Variants in FARS2 observed in about 807,000 individuals in gnomAD.
FARS2 encodes phenylalanyl-tRNA synthetase 2, mitochondrial.
A neutral mutation model predicts 46.4 loss-of-function variants in FARS2; 40 were observed. The observed-to-expected ratio is 0.86, with a 90% CI of 0.67 to 1.12. The LOEUF (loss-of-function observed/expected upper bound fraction) is 1.12, where lower values mean the gene tolerates loss of function less well. FARS2 is among the 50% of genes most tolerant of loss of function. The pLI is 0.00. For synonymous variants in FARS2, 234 were observed against 214.9 expected, an observed-to-expected ratio of 1.09 and a Z score of -0.78; for missense variants, 513 against 567.9, an observed-to-expected ratio of 0.90 and a Z score of 0.98.
rs151234719 is a variant in FARS2 at position 5,474,515 on chromosome 6, C to T, written c.904+43343C>T. Among the ~76,000 whole-genome samples, 498 of 152,168 alleles carry T rather than the reference C, an allele frequency of 3.3e-3. 1 individual carries two copies. The highest frequency in any genetic ancestry group is 5.6e-3 in the Non-Finnish European group (379 of 67,996). On this transcript the variant is annotated intron_variant, in intron 4 of 6. Coordinates refer to ENST00000274680, the MANE Select transcript of FARS2 (RefSeq NM_006567.5). Reference sequence around the variant, plus strand: ...CTAGATTGTGTAGCCTACTACACACCTAGGCTGTATGGTATGGTCTGTTGC... The same window carrying T: ...CTAGATTGTGTAGCCTACTACACACTTAGGCTGTATGGTATGGTCTGTTGC...
intron 4 of FARS2, among the ~76,000 whole-genome samples, chr6:5,516,570 C>G (rs1182435340): frequency 6.6e-6 from 1 of 152,096 alleles, no homozygotes; most frequent in East Asian, 1.9e-4. Flanking sequence ...CTAATTTTTC[C>G]AATTTGTGTT....
intron 4 of FARS2, among the ~76,000 whole-genome samples, chr6:5,499,414 A>T (rs944296517): frequency 1.3e-5 from 2 of 152,152 alleles, no homozygotes; most frequent in African/African-American, 2.4e-5. Context: ...GACATGAGTG[A>T]ATTAGGGCAA....
At chr6:5,294,169 G>A (rs1767692894) in intron 1 of FARS2, among the ~76,000 whole-genome samples, 1 of 152,116 alleles carries the variant, frequency 6.6e-6, no homozygotes, top group African/African-American at 2.4e-5. Flanking sequence ...GTTCAGTTTA[G>A]CCACTTATTG....
chr6:5,445,400 T>C (rs1310291196), intron 4 of FARS2, among the ~76,000 whole-genome samples: 2 of 152,192 alleles, frequency 1.3e-5, no homozygotes, highest in Admixed American at 1.3e-4. Flanking sequence ...ATCTGCTAAG[T>C]TATTTTTCTT....
chr6:5,393,176 C>T (rs962629963), intron 2 of FARS2, among the ~76,000 whole-genome samples: 10 of 151,692 alleles, frequency 6.6e-5, no homozygotes, highest in East Asian at 1.9e-4. Context: ...CTAGCTTGGT[C>T]GCAATAAATA....
chr6:5,350,560 A>G (rs1208345454), intron 1 of FARS2, among the ~76,000 whole-genome samples: 1 of 152,082 alleles, frequency 6.6e-6, no homozygotes, highest in African/African-American at 2.4e-5. Flanking sequence ...CAAAAGCCTG[A>G]AAGCAATTCA....
At chr6:5,629,624 G>A (rs1282574192) in intron 6 of FARS2, among the ~76,000 whole-genome samples, 1 of 152,104 alleles carries the variant, frequency 6.6e-6, no homozygotes, top group African/African-American at 2.4e-5. Flanking sequence ...AAAATGTGGA[G>A]AGTCATTAAA....
intron 4 of FARS2, among the ~76,000 whole-genome samples, chr6:5,497,917 CAAAT>C (rs1767567000): frequency 6.6e-6 from 1 of 152,144 alleles, no homozygotes; most frequent in Admixed American, 6.5e-5. Flanking sequence ...TGTGAATAAA[CAAAT>C]AGTTTCACCC....
At chr6:5,659,368 C>T (rs1777744388) in intron 6 of FARS2, among the ~76,000 whole-genome samples, 1 of 152,178 alleles carries the variant, frequency 6.6e-6, no homozygotes, top group Non-Finnish European at 1.5e-5. Context: ...GAGAAGAGAG[C>T]TCACGTTCAC....
chr6:5,546,975 G>A (rs769432430), intron 5 of FARS2, among the ~76,000 whole-genome samples: 13 of 147,648 alleles, frequency 8.8e-5, no homozygotes, highest in African/African-American at 2.6e-4. Context: ...ATTTTGAGAC[G>A]GAGACTTGCT....
intron 4 of FARS2, among the ~76,000 whole-genome samples, chr6:5,459,623 C>T (rs1161938218): frequency 6.6e-6 from 1 of 152,122 alleles, no homozygotes; most frequent in African/African-American, 2.4e-5. Flanking sequence ...GCAGAGACTC[C>T]ATGTCACTGC....
At chr6:5,649,254 C>T (rs1296812239) in intron 6 of FARS2, among the ~76,000 whole-genome samples, 1 of 152,148 alleles carries the variant, frequency 6.6e-6, no homozygotes, top group East Asian at 1.9e-4. Flanking sequence ...TTTTAAGGAA[C>T]ATTTCTTTGG....
intron 2 of FARS2, among the ~76,000 whole-genome samples, chr6:5,401,494 A>G (rs1043840223): frequency 1.3e-5 from 2 of 152,160 alleles, no homozygotes; most frequent in South Asian, 2.1e-4. Flanking sequence ...ACATATAACA[A>G]TTGGATATTA....
At chr6:5,572,268 C>T (rs1026647356) in intron 5 of FARS2, among the ~76,000 whole-genome samples, 2 of 152,186 alleles carry the variant, frequency 1.3e-5, no homozygotes, top group South Asian at 2.1e-4. Context: ...ACAGCAGACA[C>T]GTCCTATAGT....
At chr6:5,353,890 C>T (rs1757744996) in intron 1 of FARS2, among the ~76,000 whole-genome samples, 1 of 150,870 alleles carries the variant, frequency 6.6e-6, no homozygotes, top group Non-Finnish European at 1.5e-5. Flanking sequence ...GTGGCAGAAC[C>T]AAAGCCCAAG....
chr6:5,463,426 T>C (rs139869340), intron 4 of FARS2, among the ~76,000 whole-genome samples: 311 of 152,028 alleles, frequency 2.0e-3, no homozygotes, highest in Non-Finnish European at 3.8e-3. Context: ...GGATCTACTT[T>C]CATCCATTGC....
At chr6:5,702,970 G>A (rs1469426183) in intron 6 of FARS2, among the ~76,000 whole-genome samples, 1 of 152,144 alleles carries the variant, frequency 6.6e-6, no homozygotes, top group Non-Finnish European at 1.5e-5. Context: ...ACTCCCACAG[G>A]CCCTGCTTTG....
intron 4 of FARS2, among the ~76,000 whole-genome samples, chr6:5,441,790 C>T (rs1763856847): frequency 1.3e-5 from 2 of 152,244 alleles, no homozygotes; most frequent in African/African-American, 4.8e-5. Context: ...TAAAAGTCAG[C>T]ACTTACGAGC....
intron 5 of FARS2, among the ~76,000 whole-genome samples, chr6:5,574,437 T>C (rs1297164429): frequency 2.6e-5 from 4 of 152,222 alleles, no homozygotes; most frequent in Non-Finnish European, 5.9e-5. Context: ...ATAGGTCTAC[T>C]GTATGGAGCG....
Sources: gnomAD v4.1 joint callset for allele counts (sites outside exome capture counted in the v4.1 genomes callset) on GRCh38, gnomAD v4.1.1 for gene constraint, MANE v1.5 for transcripts, NCBI Gene and HGNC (gene_info 2026-07-23, HGNC 2026-07-21) for gene names.